Variants in GSTA1 observed in about 807,000 individuals in gnomAD.
GSTA1 encodes glutathione S-transferase A1.
In GSTA1, 23 loss-of-function variants were observed where a neutral mutation model predicts 21.5. That is an observed-to-expected ratio of 1.07 (90% confidence interval 0.77 to 1.52). GSTA1 has a LOEUF of 1.52. Ranked by LOEUF, GSTA1 falls within the 40% of genes most tolerant of loss-of-function variation. The pLI, the probability that GSTA1 is intolerant of heterozygous loss-of-function variation, is 0.00. For synonymous variants in GSTA1, 125 were observed against 90.0 expected (o/e 1.39, Z -2.20); for missense variants, 301 against 264.2 (o/e 1.14, Z -0.96).
intron 3 of GSTA1, among the ~76,000 whole-genome samples, chr6:52,797,303 C>T (rs986949354): frequency 6.6e-6 from 1 of 152,136 alleles, no homozygotes; most frequent in Non-Finnish European, 1.5e-5. Flanking sequence ...CTGATGACCA[C>T]CACTCATTCA....
intron 4 of GSTA1, among the ~76,000 whole-genome samples, chr6:52,795,852 T>C (rs1379538427): frequency 6.6e-6 from 1 of 152,162 alleles, no homozygotes; most frequent in Non-Finnish European, 1.5e-5. Context: ...TGTCCTAAAC[T>C]GTTGGCCAGA....
intron 5 of GSTA1, among the ~76,000 whole-genome samples, chr6:52,793,560 T>G (rs1048714703): frequency 6.6e-6 from 1 of 152,164 alleles, no homozygotes; most frequent in African/African-American, 2.4e-5. Context: ...ACTGGCACTA[T>G]GTTATAATCT....
At position 52,791,800 on chromosome 6, in the gene GSTA1, T is replaced by G; in HGVS notation, c.*58A>C. 6.2e-7 allele frequency: 1 copy of G among 1,605,842 alleles called. No individual in the cohort carries two copies. The highest frequency in any genetic ancestry group is 1.7e-5 in the Admixed American group (1 of 59,296). On this transcript the variant is annotated 3_prime_UTR_variant, in exon 7 of 7. Coordinates refer to ENST00000334575, the MANE Select transcript of GSTA1 (RefSeq NM_145740.5). ...ATCAACACTTAGGTAAAGTACTTTA[T>G]TGTTGCAAAACTTTAGAACATTGGT...
intron 6 of GSTA1, 43 bp from the exon 7 acceptor site, chr6:52,792,023 G>C: frequency 6.2e-7 from 1 of 1,611,294 alleles, no homozygotes. Context: ...GCCAAGGGCT[G>C]ACACCACCAT....
intron 1 of GSTA1, 41 bp from the exon 2 acceptor site, chr6:52,799,338 A>G (rs1763659656): frequency 7.4e-7 from 1 of 1,351,744 alleles, no homozygotes; most frequent in Non-Finnish European, 1.0e-6. Flanking sequence ...GAAACGATAG[A>G]ATCAAAAATG....
At chr6:52,802,669 T>C (rs975011483) in intron 1 of GSTA1, among the ~76,000 whole-genome samples, 7 of 152,190 alleles carry the variant, frequency 4.6e-5, no homozygotes, top group Non-Finnish European at 8.8e-5. Context: ...TCCATGTATG[T>C]ATTATTTTAT....
At chr6:52,799,665 A>G (rs1315290952) in intron 1 of GSTA1, among the ~76,000 whole-genome samples, 3 of 152,232 alleles carry the variant, frequency 2.0e-5, no homozygotes, top group Non-Finnish European at 2.9e-5. Flanking sequence ...AATATTTTAT[A>G]TCTTTAACCC....
intron 3 of GSTA1, among the ~76,000 whole-genome samples, chr6:52,796,539 A>ATT (rs1178071433): frequency 3.7e-4 from 13 of 35,226 alleles, no homozygotes; most frequent in African/African-American, 8.4e-4. Context: ...GTATATATAT[A>ATT]TATATTTTTT....
At chr6:52,794,300 C>T in intron 4 of GSTA1, 34 bp from the exon 5 acceptor site, 1 of 1,589,978 alleles carries the variant, frequency 6.3e-7, no homozygotes, top group Non-Finnish European at 8.6e-7. Context: ...GGTCAAATAC[C>T]TTTTGCCTTA....
At position 52,796,288 on chromosome 6, in the gene GSTA1, G is replaced by T; in HGVS notation, c.166C>A (p.Pro56Thr). The change falls in exon 4 of 7, where the codon CCA becomes ACA. Residue 56 changes from proline (P) to threonine (T), a missense_variant. Transcript: ENST00000334575. ...TTCATCCCATCAATCTCAACCATTG[G>T]CACTTGCTGGAACATCAAATATCCA... ...NDGYLMFQQV[P>T]MVEIDGMKLV... The T allele has an allele frequency of 6.2e-7, 1 of 1,613,572 alleles. No homozygotes were observed.
At chr6:52,796,489 A>ATGTGTGTGTG (rs1303717345) in intron 3 of GSTA1, among the ~76,000 whole-genome samples, 175 bp from the exon 4 acceptor site, 2 of 13,080 alleles carry the variant, frequency 1.5e-4, no homozygotes, top group African/African-American at 8.7e-4. Flanking sequence ...ATATATATAT[A>ATGTGTGTGTG]TGTGTGTGTG....
At chr6:52,792,648 T>C in intron 6 of GSTA1, 1 of 1,295,516 alleles carries the variant, frequency 7.7e-7, no homozygotes, top group African/African-American at 1.5e-5. Flanking sequence ...AAATACTCTT[T>C]GTGGGGTAGC....
chr6:52,800,015 A>C (rs1444346894), intron 1 of GSTA1, among the ~76,000 whole-genome samples: 1 of 152,234 alleles, frequency 6.6e-6, no homozygotes, highest in Admixed American at 6.5e-5. Context: ...ATCAACAGAC[A>C]GAGATTGTTA....
In GSTA1 at chr6:52,792,084, G is replaced by A. The variant is rs1763473080; in HGVS notation, c.547-104C>T. Reference sequence around the variant, plus strand: ...CCTCCTGCAAAGACCAAGTGAGTCTGCTCCATCAGCACAAGCATGGAGGCA... The same window carrying A: ...CCTCCTGCAAAGACCAAGTGAGTCTACTCCATCAGCACAAGCATGGAGGCA... On this transcript the variant is annotated intron_variant, in intron 6 of 6. Coordinates refer to ENST00000334575, the MANE Select transcript of GSTA1 (RefSeq NM_145740.5). 5 of 1,502,406 alleles carry A rather than the reference G, an allele frequency of 3.3e-6. No individual in the cohort carries two copies. In the Admixed American group the frequency reaches 1.0e-4, roughly 30 times the overall value. The allele number at this position is 1,502,406 out of a possible 1,614,324, so 93.1% of individuals were successfully genotyped here. A position where few individuals can be genotyped will look rare whatever the true frequency, so the allele number is the denominator to read the frequency against.
intron 4 of GSTA1, among the ~76,000 whole-genome samples, 159 bp downstream of exon 4, chr6:52,796,023 C>A (rs1262404380): frequency 6.6e-6 from 1 of 152,118 alleles, no homozygotes; most frequent in Admixed American, 6.5e-5. Context: ...TCACTGTTCC[C>A]TCATCTCCAT....
chr6:52,791,849 A>T lies in GSTA1; in HGVS notation c.*9T>A, dbSNP rs1052003. ...GTATTGCAAGTTCTTGGCCTCCATG[A>T]CTGCGTTATTAAAACCTGAAAATCT... On this transcript the variant is annotated 3_prime_UTR_variant, in exon 7 of 7. Coordinates refer to ENST00000334575, the MANE Select transcript of GSTA1 (RefSeq NM_145740.5). 1 of 1,614,026 alleles carries T rather than the reference A, an allele frequency of 6.2e-7. No individual in the cohort carries two copies. The highest frequency in any genetic ancestry group is 2.2e-5 in the East Asian group (1 of 44,884).
Position 52,795,391 on chromosome 6 carries a change from C to CT in GSTA1, c.272+790dup, listed in dbSNP as rs538426860. 1.1e-3 allele frequency among the ~76,000 whole-genome samples: 160 copies of CT among 152,206 alleles called. 1 individual carries two copies. Among genetic ancestry groups the CT allele is most frequent in the African/African-American group, 3.6e-3 (151 of 41,518 alleles). Reference sequence around the variant, plus strand: ...TTGATGGATATTTGAGTTGTTTCCACTTTTTGAATTCTATGAATATTGTTA... The same window carrying CT: ...TTGATGGATATTTGAGTTGTTTCCACTTTTTTGAATTCTATGAATATTGTTA... On this transcript the variant is annotated intron_variant, in intron 4 of 6. Coordinates refer to ENST00000334575, the MANE Select transcript of GSTA1 (RefSeq NM_145740.5).
intron 3 of GSTA1, among the ~76,000 whole-genome samples, 171 bp from the exon 4 acceptor site, chr6:52,796,485 A>G (rs1320316193): frequency 0.017 from 81 of 4,774 alleles, no homozygotes; most frequent in African/African-American, 0.096. Flanking sequence ...ATATATATAT[A>G]TATATGTGTG....
intron 3 of GSTA1, 59 bp downstream of exon 3, chr6:52,797,527 C>A (rs1012051277): frequency 2.9e-6 from 4 of 1,359,502 alleles, no homozygotes; most frequent in Non-Finnish European, 4.2e-6. Context: ...GCTGCGCAAA[C>A]CTCCCCGTGT....
Sources: gnomAD v4.1 joint callset for allele counts (sites outside exome capture counted in the v4.1 genomes callset) on GRCh38, gnomAD v4.1.1 for gene constraint, MANE v1.5 for transcripts, NCBI Gene and HGNC (gene_info 2026-07-23, HGNC 2026-07-21) for gene names.